The following ERC1 variants were observed in gnomAD, a reference collection of about 807,000 sequenced individuals.
ERC1 encodes ELKS/RAB6-interacting/CAST family member 1, also known as RAB6 interacting protein 2.
ERC1 carries 56 observed loss-of-function variants against 132.0 expected under a neutral mutation model. That is an observed-to-expected ratio of 0.42 (90% CI 0.34 to 0.53). The LOEUF is 0.53. Ranked by LOEUF, ERC1 falls within the 20% of genes least tolerant of loss-of-function variation. The pLI, the probability that ERC1 is intolerant of heterozygous loss-of-function variation, is 0.03. For synonymous variants in ERC1, 478 were observed against 476.1 expected (o/e 1.00, Z -0.05); for missense variants, 1,202 against 1,349.9 (o/e 0.89, Z 1.72).
chr12:1,159,624 G>A lies in ERC1; in HGVS notation c.1737+17837G>A, dbSNP rs76397157. Among the ~76,000 whole-genome samples the A allele has an allele frequency of 9.9e-3, 1,506 of 152,284 alleles. 10 individuals carry two copies. Among genetic ancestry groups the A allele is most frequent in the Non-Finnish European group, 0.017 (1,151 of 68,016 alleles). On this transcript the variant is annotated intron_variant, in intron 8 of 18. Coordinates refer to ENST00000360905, the MANE Select transcript of ERC1 (RefSeq NM_178040.4). ...GATATTTGGAGCTTACTCTTTGGCA[G>A]CCCCCAAATCTCAATATCCTACGTG...
intron 7 of ERC1, among the ~76,000 whole-genome samples, chr12:1,125,653 T>C (rs978626371): frequency 2.0e-5 from 3 of 151,886 alleles, no homozygotes; most frequent in Admixed American, 6.6e-5. Context: ...CCGTCTCTAC[T>C]AAAAATACAA....
intron 15 of ERC1, among the ~76,000 whole-genome samples, chr12:1,333,895 T>C (rs2083092965): frequency 6.6e-6 from 1 of 152,216 alleles, no homozygotes; most frequent in Non-Finnish European, 1.5e-5. Flanking sequence ...TCAGGTTCCT[T>C]TTCCCACAAC....
intron 13 of ERC1, 38 bp from the exon 14 acceptor site, chr12:1,262,996 A>G: frequency 2.5e-6 from 4 of 1,608,072 alleles, no homozygotes; most frequent in Non-Finnish European, 3.4e-6. Flanking sequence ...TGGGTTAAGT[A>G]ATTAATCCAC....
intron 14 of ERC1, among the ~76,000 whole-genome samples, chr12:1,264,977 G>C (rs571879740): frequency 2.0e-5 from 3 of 152,272 alleles, no homozygotes; most frequent in African/African-American, 7.2e-5. Context: ...TAGAAAAAAA[G>C]ACCAACCTCA....
At chr12:1,098,489 G>A (rs1172409129) in intron 3 of ERC1, among the ~76,000 whole-genome samples, 1 of 152,200 alleles carries the variant, frequency 6.6e-6, no homozygotes, top group African/African-American at 2.4e-5. Flanking sequence ...CACTAGAACA[G>A]TTAGGACCTG....
intron 14 of ERC1, among the ~76,000 whole-genome samples, chr12:1,269,288 T>C (rs189590925): frequency 1.3e-5 from 2 of 152,314 alleles, no homozygotes; most frequent in Admixed American, 1.3e-4. Context: ...GTTGGAGGGT[T>C]AGCAGCTATT....
intron 15 of ERC1, among the ~76,000 whole-genome samples, chr12:1,323,186 A>G (rs2082228505): frequency 1.4e-5 from 2 of 141,872 alleles, no homozygotes. Flanking sequence ...TGCAATGTCT[A>G]AAGCCCGAAT....
Position 1,450,316 on chromosome 12 carries a change from G to A in ERC1, c.3213+5566G>A, listed in dbSNP as rs559218630. 1.6e-4 allele frequency among the ~76,000 whole-genome samples: 24 copies of A among 152,248 alleles called. 1 individual carries two copies. In the South Asian group the frequency reaches 5.0e-3, roughly 32 times the overall value. On this transcript the variant is annotated intron_variant, in intron 18 of 18. Transcript: ENST00000360905. ...ACTGAAACGCCATACCTGTTAAACA[G>A]TAACTCCCCATTCTCCCTTGCCCCA...
intron 15 of ERC1, among the ~76,000 whole-genome samples, chr12:1,347,828 C>G (rs2084625267): frequency 6.6e-6 from 1 of 152,052 alleles, no homozygotes; most frequent in African/African-American, 2.4e-5. Flanking sequence ...ACTAAAAATA[C>G]AAAAATTAGC....
chr12:1,394,778 G>A (rs775084440), intron 16 of ERC1, among the ~76,000 whole-genome samples: 1 of 152,180 alleles, frequency 6.6e-6, no homozygotes, highest in Non-Finnish European at 1.5e-5. Flanking sequence ...TGTGAAGCCT[G>A]AGGGACTGAG....
At chr12:1,020,388 C>T (rs912031845) in intron 1 of ERC1, among the ~76,000 whole-genome samples, 7 of 152,132 alleles carry the variant, frequency 4.6e-5, no homozygotes, top group Non-Finnish European at 1.0e-4. Context: ...ACCTGGGAGA[C>T]GGAGGTTGCA....
At chr12:1,273,654 A>G (rs1197104439) in intron 14 of ERC1, among the ~76,000 whole-genome samples, 1 of 149,990 alleles carries the variant, frequency 6.7e-6, no homozygotes, top group Non-Finnish European at 1.5e-5. Flanking sequence ...TTTAATTTTA[A>G]GTAAATTTTA....
At chr12:1,001,749 A>G (rs1371893263) in intron 1 of ERC1, among the ~76,000 whole-genome samples, 6 of 151,372 alleles carry the variant, frequency 4.0e-5, no homozygotes, top group African/African-American at 1.5e-4. Context: ...ATAGTATTCC[A>G]TTGTATAAAT....
intron 2 of ERC1, among the ~76,000 whole-genome samples, chr12:1,078,851 G>T (rs541551270): frequency 6.6e-6 from 1 of 151,974 alleles, no homozygotes; most frequent in South Asian, 2.1e-4. Flanking sequence ...ATATAGAAAT[G>T]ATTTGTAATA....
intron 2 of ERC1, among the ~76,000 whole-genome samples, chr12:1,077,608 A>G (rs1941555627): frequency 6.6e-6 from 1 of 152,190 alleles, no homozygotes; most frequent in South Asian, 2.1e-4. Context: ...AGTGAGAAGT[A>G]GACTAGTGAG....
At chr12:1,425,281 GA>G (rs2092600483) in intron 17 of ERC1, among the ~76,000 whole-genome samples, 1 of 152,182 alleles carries the variant, frequency 6.6e-6, no homozygotes, top group Admixed American at 6.5e-5. Context: ...TTTTTAGTGT[GA>G]TGGCATAGCC....
chr12:1,333,393 C>G (rs562940437), intron 15 of ERC1, among the ~76,000 whole-genome samples: 1 of 139,912 alleles, frequency 7.1e-6, no homozygotes, highest in Admixed American at 7.7e-5. Context: ...AGTGCAGTGG[C>G]GCGACGTCGG....
At chr12:1,388,919 C>A (rs2089685558) in intron 16 of ERC1, among the ~76,000 whole-genome samples, 1 of 152,196 alleles carries the variant, frequency 6.6e-6, no homozygotes, top group East Asian at 1.9e-4. Flanking sequence ...GCAGATCTTG[C>A]CGGCTCTATG....
chr12:1,325,902 C>T (rs2082415013), intron 15 of ERC1, among the ~76,000 whole-genome samples: 1 of 152,022 alleles, frequency 6.6e-6, no homozygotes, highest in African/African-American at 2.4e-5. Flanking sequence ...TTTATTTGAT[C>T]AATTGTTACC....
Sources: allele counts gnomAD v4.1 joint callset (sites outside exome capture counted in the v4.1 genomes callset), GRCh38; gene constraint gnomAD v4.1.1; transcripts MANE v1.5; gene names NCBI Gene and HGNC (gene_info 2026-07-23, HGNC 2026-07-21).